The following TTLL5 variants were observed in gnomAD, a reference collection of about 807,000 sequenced individuals.
TTLL5 encodes the protein tubulin polyglutamylase TTLL5.
In TTLL5, 132 loss-of-function variants were observed where a neutral mutation model predicts 168.4. The observed-to-expected ratio is 0.78, with a 90% CI of 0.68 to 0.91. The LOEUF (loss-of-function observed/expected upper bound fraction) is 0.91. Among genes scored for constraint, TTLL5 ranks in the 40% least tolerant of loss-of-function variants. The probability of loss-of-function intolerance (pLI) is 0.00; values close to 1 mark genes in which losing one functional copy is unlikely to be tolerated. For synonymous variants in TTLL5, 546 were observed against 558.6 expected (o/e 0.98, Z 0.32); for missense variants, 1,545 against 1,581.5 (o/e 0.98, Z 0.39).
chr14:75,918,926 G>T (rs2033717618), intron 31 of TTLL5, among the ~76,000 whole-genome samples: 1 of 152,124 alleles, frequency 6.6e-6, no homozygotes, highest in African/African-American at 2.4e-5. Context: ...CTTCTGGCCA[G>T]TCGCAGTGGC....
rs34048806 is a variant in TTLL5 at position 75,926,156 on chromosome 14, C to CTTTTTTTTTTTTTTTTTTTT, written c.3823+23941_3823+23960dup. ...TTAAAGACTAGGATTGCAACCCCAG[C>CTTTTTTTTTTTTTTTTTTTT]TTTTTTTTTTTTTTTTTTTTTTTTT... On this transcript the variant is annotated intron_variant, in intron 31 of 31. Coordinates refer to ENST00000298832, the MANE Select transcript of TTLL5 (RefSeq NM_015072.5). 1.0e-4 allele frequency among the ~76,000 whole-genome samples: 3 copies of CTTTTTTTTTTTTTTTTTTTT among 29,960 alleles called. 1 individual carries two copies. The highest frequency in any genetic ancestry group is 1.3e-3 in the East Asian group (1 of 744). The allele number at this position is 29,960 out of a possible 152,430, so 19.7% of individuals were successfully genotyped here.
At chr14:75,786,811 G>GA (rs1282767919) in intron 26 of TTLL5, among the ~76,000 whole-genome samples, 1 of 152,050 alleles carries the variant, frequency 6.6e-6, no homozygotes, top group Non-Finnish European at 1.5e-5. Flanking sequence ...AAGAAGCATA[G>GA]AAAAAGCAAG....
chr14:75,931,375 T>C (rs899411397), intron 31 of TTLL5, among the ~76,000 whole-genome samples: 14 of 152,150 alleles, frequency 9.2e-5, no homozygotes, highest in African/African-American at 3.4e-4. Flanking sequence ...TGTGAGCTCC[T>C]CCCCTCAGTC....
chr14:75,855,490 G>T (rs1897086406), intron 28 of TTLL5, among the ~76,000 whole-genome samples: 1 of 152,178 alleles, frequency 6.6e-6, no homozygotes, highest in Admixed American at 6.5e-5. Flanking sequence ...GTCATAGTTT[G>T]CACCACATGG....
At chr14:75,763,033 G>A (rs911752188) in intron 18 of TTLL5, among the ~76,000 whole-genome samples, 2 of 152,096 alleles carry the variant, frequency 1.3e-5, no homozygotes, top group Non-Finnish European at 2.9e-5. Context: ...TCATTGGAGA[G>A]AGAGTTTGTG....
intron 12 of TTLL5, among the ~76,000 whole-genome samples, chr14:75,721,440 C>A (rs1045938622): frequency 2.3e-4 from 35 of 152,144 alleles, no homozygotes; most frequent in African/African-American, 8.4e-4. Context: ...TAGTAAAATA[C>A]ACTAGGGTCT....
At chr14:75,679,860 A>C (rs1318622918) in intron 3 of TTLL5, among the ~76,000 whole-genome samples, 1 of 152,212 alleles carries the variant, frequency 6.6e-6, no homozygotes, top group Non-Finnish European at 1.5e-5. Flanking sequence ...GTTTGCCCAC[A>C]AGAATGAAAA....
chr14:75,772,408 G>A (rs1891391802), intron 21 of TTLL5, among the ~76,000 whole-genome samples: 1 of 152,172 alleles, frequency 6.6e-6, no homozygotes, highest in Non-Finnish European at 1.5e-5. Flanking sequence ...CTCTTTGAAA[G>A]TCATCACCTT....
At chr14:75,782,828 G>A (rs1892136095) in intron 25 of TTLL5, among the ~76,000 whole-genome samples, 1 of 152,132 alleles carries the variant, frequency 6.6e-6, no homozygotes, top group Admixed American at 6.5e-5. Context: ...AAGGGGGAGA[G>A]GAATTAGCTG....
chr14:75,791,198 A>G (rs1463423618), intron 26 of TTLL5, among the ~76,000 whole-genome samples: 1 of 151,968 alleles, frequency 6.6e-6, no homozygotes, highest in East Asian at 1.9e-4. Context: ...TCCTGGGCAT[A>G]TACAAGAGGA....
chr14:75,753,449 A>G (rs1890075681), intron 18 of TTLL5, among the ~76,000 whole-genome samples: 2 of 152,218 alleles, frequency 1.3e-5, no homozygotes, highest in Admixed American at 6.5e-5. Flanking sequence ...TAAATAGCAC[A>G]GCAATCAGGG....
intron 29 of TTLL5, among the ~76,000 whole-genome samples, chr14:75,869,003 AG>A (rs1401489290): frequency 1.6e-5 from 2 of 125,594 alleles, no homozygotes; most frequent in Non-Finnish European, 3.3e-5. Context: ...TGGGGACATG[AG>A]AGGGGAGGAG....
At chr14:75,749,000 CTG>C (rs1889784297) in intron 17 of TTLL5, among the ~76,000 whole-genome samples, 1 of 152,092 alleles carries the variant, frequency 6.6e-6, no homozygotes. Context: ...AAAAATTTGC[CTG>C]CTTGTTTTGA....
chr14:75,767,315 A>G (rs1050956468), intron 20 of TTLL5, among the ~76,000 whole-genome samples: 1 of 152,208 alleles, frequency 6.6e-6, no homozygotes, highest in African/African-American at 2.4e-5. Flanking sequence ...TTTACAGTCT[A>G]GTGGGGAAGA....
At chr14:75,911,748 A>G (rs1005533983) in intron 31 of TTLL5, among the ~76,000 whole-genome samples, 13 of 152,234 alleles carry the variant, frequency 8.5e-5, no homozygotes, top group Admixed American at 4.6e-4. Flanking sequence ...GTTTTTAATC[A>G]GATACTGGAA....
chr14:75,776,709 A>T (rs1285664275), intron 22 of TTLL5, 38 bp from the exon 23 acceptor site: 4 of 1,511,440 alleles, frequency 2.6e-6, no homozygotes, highest in Non-Finnish European at 3.7e-6. Flanking sequence ...AGTCAGTTTT[A>T]TCTTGTTGTT....
chr14:75,691,828 C>T (rs1374818040), intron 6 of TTLL5, among the ~76,000 whole-genome samples: 1 of 152,206 alleles, frequency 6.6e-6, no homozygotes, highest in Non-Finnish European at 1.5e-5. Context: ...ATTCTTTTAA[C>T]ATGTTAGGCT....
intron 31 of TTLL5, among the ~76,000 whole-genome samples, chr14:75,935,240 G>A (rs1181508215): frequency 6.6e-6 from 1 of 152,164 alleles, no homozygotes. Context: ...CCCAACCAAG[G>A]TCAAACTTCT....
intron 27 of TTLL5, among the ~76,000 whole-genome samples, chr14:75,819,491 G>A (rs1894705751): frequency 6.6e-6 from 1 of 152,122 alleles, no homozygotes; most frequent in South Asian, 2.1e-4. Context: ...AGTTTTACAT[G>A]TTTAATTGGC....
Sources: gnomAD v4.1 joint callset for allele counts (sites outside exome capture counted in the v4.1 genomes callset) on GRCh38, gnomAD v4.1.1 for gene constraint, MANE v1.5 for transcripts, NCBI Gene and HGNC (gene_info 2026-07-23, HGNC 2026-07-21) for gene names.